Variants in PTN observed in about 807,000 individuals in gnomAD.
The protein encoded by PTN is pleiotrophin.
A neutral mutation model predicts 24.1 loss-of-function variants in PTN; 18 were observed. The ratio of observed to expected loss-of-function variants is 0.75; its 90% CI spans 0.52 to 1.11. The LOEUF (loss-of-function observed/expected upper bound fraction) is 1.11, where lower values mean the gene tolerates loss of function less well. PTN is among the 50% of genes least tolerant of loss of function. The probability of loss-of-function intolerance (pLI) is 0.00; values close to 1 mark genes in which losing one functional copy is unlikely to be tolerated. For missense variants in PTN, 163 were observed against 198.8 expected, an observed-to-expected ratio of 0.82 and a Z score of 1.08; for synonymous variants, 78 against 68.6, an observed-to-expected ratio of 1.14 and a Z score of -0.67.
chr7:137,316,872 G>A (rs1810081599), intron 1 of PTN, among the ~76,000 whole-genome samples: 1 of 152,160 alleles, frequency 6.6e-6, no homozygotes, highest in Non-Finnish European at 1.5e-5. Context: ...GTGGAAATAC[G>A]CAAGGCAGTG....
intron 3 of PTN, 48 bp downstream of exon 3, chr7:137,253,416 T>G: frequency 6.7e-6 from 10 of 1,499,118 alleles, no homozygotes; most frequent in Admixed American, 2.2e-5. Context: ...TGGAAAAATT[T>G]GAGAATTATC....
intron 1 of PTN, among the ~76,000 whole-genome samples, chr7:137,260,720 C>A (rs1026432030): frequency 6.6e-6 from 1 of 152,072 alleles, no homozygotes; most frequent in Non-Finnish European, 1.5e-5. Flanking sequence ...CAGTTGGATG[C>A]AGAGGCTTAA....
chr7:137,291,278 A>C (rs181066995), intron 1 of PTN, among the ~76,000 whole-genome samples: 124 of 152,310 alleles, frequency 8.1e-4, no homozygotes, highest in African/African-American at 2.9e-3. Flanking sequence ...TACTTTTCAA[A>C]ATTTTCTACA....
chr7:137,282,689 A>G (rs1389032961), intron 1 of PTN, among the ~76,000 whole-genome samples: 2 of 152,276 alleles, frequency 1.3e-5, no homozygotes, highest in Admixed American at 6.5e-5. Context: ...TTAATAAAGT[A>G]TGACATTTAA....
chr7:137,341,384 G>C (rs1177214581), intron 1 of PTN, among the ~76,000 whole-genome samples: 1 of 151,580 alleles, frequency 6.6e-6, no homozygotes, highest in Non-Finnish European at 1.5e-5. Flanking sequence ...GCCCAAATAA[G>C]GCATATGGAA....
chr7:137,264,320 A>T (rs1809098944), intron 1 of PTN, among the ~76,000 whole-genome samples: 1 of 152,208 alleles, frequency 6.6e-6, no homozygotes, highest in African/African-American at 2.4e-5. Flanking sequence ...ATCCTACCTC[A>T]GTGACTTGAT....
chr7:137,341,004 T>C (rs1810524973), intron 1 of PTN, among the ~76,000 whole-genome samples: 1 of 152,172 alleles, frequency 6.6e-6, no homozygotes, highest in Admixed American at 6.5e-5. Flanking sequence ...TATTGTTAAT[T>C]TATCACACCA....
At chr7:137,269,313 T>A (rs1809223704) in intron 1 of PTN, among the ~76,000 whole-genome samples, 2 of 152,216 alleles carry the variant, frequency 1.3e-5, no homozygotes, top group Admixed American at 6.5e-5. Context: ...TCACGCAGTT[T>A]ATCCTTACAG....
At chr7:137,332,923 A>G (rs1204771917) in intron 1 of PTN, among the ~76,000 whole-genome samples, 1 of 152,222 alleles carries the variant, frequency 6.6e-6, no homozygotes, top group Non-Finnish European at 1.5e-5. Context: ...AGCCATTATG[A>G]AAACACTGTT....
intron 4 of PTN, among the ~76,000 whole-genome samples, chr7:137,239,059 G>A (rs976731090): frequency 2.0e-5 from 3 of 152,188 alleles, no homozygotes; most frequent in Non-Finnish European, 4.4e-5. Context: ...TGTGCCCAGG[G>A]AGATGAAAGC....
intron 1 of PTN, among the ~76,000 whole-genome samples, chr7:137,329,626 G>A (rs1254190258): frequency 2.6e-5 from 4 of 152,164 alleles, no homozygotes; most frequent in Non-Finnish European, 5.9e-5. Context: ...TCACAATTTT[G>A]CACTAGGGCA....
intron 1 of PTN, among the ~76,000 whole-genome samples, chr7:137,261,794 T>A (rs1809043335): frequency 6.6e-6 from 1 of 152,190 alleles, no homozygotes; most frequent in African/African-American, 2.4e-5. Flanking sequence ...ACAGGCTGAA[T>A]GAGGAAACCA....
intron 1 of PTN, among the ~76,000 whole-genome samples, chr7:137,255,941 T>C (rs1370311935): frequency 1.3e-5 from 2 of 152,180 alleles, no homozygotes; most frequent in Non-Finnish European, 2.9e-5. Flanking sequence ...ATAAAAATGG[T>C]TGTAATGTCC....
At chr7:137,268,662 G>A (rs910677867) in intron 1 of PTN, among the ~76,000 whole-genome samples, 1 of 152,198 alleles carries the variant, frequency 6.6e-6, no homozygotes. Flanking sequence ...GCCAGGTCAG[G>A]TCAGGGGTGG....
In PTN at chr7:137,228,065, C is replaced by T. The variant is rs1808364665; in HGVS notation, c.462G>A (p.Lys154=). 6.4e-7 allele frequency: 1 copy of T among 1,564,658 alleles called. No homozygotes were observed. The highest frequency in any genetic ancestry group is 1.4e-5 in the African/African-American group (1 of 73,592). Reference sequence around the variant, plus strand: ...GTTTCTTGCCTTCCTTTTTCTTCTTCTTAGATTCTGCTGTGATTACAAAAA... The same window carrying T: ...GTTTCTTGCCTTCCTTTTTCTTCTTTTTAGATTCTGCTGTGATTACAAAAA... ...LTKPKPQAES[K]KKKKEGKKQE... is the part of the protein sequence containing the mutation. Residue 154 remains lysine (K), a synonymous_variant, in exon 5 of 5, where the codon AAG becomes AAA. Coordinates refer to ENST00000348225, the MANE Select transcript of PTN (RefSeq NM_002825.7).
At chr7:137,274,988 G>C (rs1281623981) in intron 1 of PTN, among the ~76,000 whole-genome samples, 1 of 152,206 alleles carries the variant, frequency 6.6e-6, no homozygotes, top group East Asian at 1.9e-4. Flanking sequence ...TGGAAACACA[G>C]AGTTTTCATA....
chr7:137,321,897 A>G (rs1810168742), intron 1 of PTN, among the ~76,000 whole-genome samples: 1 of 152,202 alleles, frequency 6.6e-6, no homozygotes, highest in African/African-American at 2.4e-5. Flanking sequence ...GGATAAGTAA[A>G]AAAAAGTTTA....
intron 3 of PTN, 126 bp from the exon 4 acceptor site, chr7:137,251,517 G>GAAAT (rs1189580087): frequency 9.5e-7 from 1 of 1,054,310 alleles, no homozygotes; most frequent in African/African-American, 1.6e-5. Flanking sequence ...GCAGCTATAA[G>GAAAT]AAATAATACA....
At chr7:137,277,521 G>T (rs1453981936) in intron 1 of PTN, among the ~76,000 whole-genome samples, 1 of 152,086 alleles carries the variant, frequency 6.6e-6, no homozygotes, top group Non-Finnish European at 1.5e-5. Flanking sequence ...CTATCAACAG[G>T]TACATTGATG....
Sources: gnomAD v4.1 joint callset for allele counts (sites outside exome capture counted in the v4.1 genomes callset) on GRCh38, gnomAD v4.1.1 for gene constraint, MANE v1.5 for transcripts, NCBI Gene and HGNC (gene_info 2026-07-23, HGNC 2026-07-21) for gene names.